Variants in NEXMIF observed in about 807,000 individuals in gnomAD.
NEXMIF encodes the protein neurite extension and migration factor.
Under a neutral mutation model 62.1 loss-of-function variants are expected in NEXMIF, and 8 were observed. The observed-to-expected ratio is 0.13, with a 90% CI of 0.08 to 0.23. The LOEUF is 0.23. Among genes scored for constraint, NEXMIF ranks in the 10% least tolerant of loss-of-function variants. NEXMIF has a pLI of 1.00. For missense variants in NEXMIF, 976 were observed against 1,113.3 expected (o/e 0.88, Z 1.75); for synonymous variants, 404 against 416.6 (o/e 0.97, Z 0.37).
rs773671901 is a variant in NEXMIF at position 74,842,813 on chromosome X, T to G, written c.-48+82070A>C. 8.0e-5 allele frequency among the ~76,000 whole-genome samples: 9 copies of G among 112,514 alleles called. No homozygotes were observed. In the East Asian group the frequency reaches 2.5e-3, roughly 31 times the overall value. On this transcript the variant is annotated intron_variant, in intron 1 of 3. Coordinates refer to ENST00000055682, the MANE Select transcript of NEXMIF (RefSeq NM_001008537.3). ...ATTTTCATAGTTTTTATTTCTATTT[T>G]TATTGTGCTGTGGTCCTGAGAGTGT...
chrX:74,874,476 G>A (rs1376950673), intron 1 of NEXMIF, among the ~76,000 whole-genome samples: 1 of 110,697 alleles, frequency 9.0e-6, no homozygotes, highest in African/African-American at 3.3e-5. Flanking sequence ...GGTGATGTGG[G>A]CTCTTTTTTG....
chrX:74,920,655 T>C (rs1003247577), intron 1 of NEXMIF, among the ~76,000 whole-genome samples: 2 of 111,901 alleles, frequency 1.8e-5, no homozygotes, highest in Admixed American at 1.9e-4. Flanking sequence ...TCAATTTTGT[T>C]TTTTGTTGCC....
chrX:74,736,517 C>T lies in NEXMIF; in HGVS notation c.*2888G>A, dbSNP rs2080085468. On this transcript the variant is annotated 3_prime_UTR_variant, in exon 4 of 4. Transcript: ENST00000055682. ...TTCAGACCAAGGATAATATATATTT[C>T]TGACTTGAGATACCAGTGATAGGGC... The T allele has an allele frequency of 1.8e-5, 2 of 111,249 alleles. No homozygotes were observed. The highest frequency in any genetic ancestry group is 1.9e-4 in the Admixed American group (2 of 10,355). The allele number at this position is 111,249 out of a possible 1,213,427, so 9.2% of individuals were successfully genotyped here.
intron 1 of NEXMIF, among the ~76,000 whole-genome samples, chrX:74,749,866 G>T (rs2080136769): frequency 8.9e-6 from 1 of 111,813 alleles, no homozygotes; most frequent in Non-Finnish European, 1.9e-5. Context: ...CTTATAACAT[G>T]GTATGTACTT....
chrX:74,833,401 C>A (rs988860810), intron 1 of NEXMIF, among the ~76,000 whole-genome samples: 6 of 111,643 alleles, frequency 5.4e-5, no homozygotes, highest in African/African-American at 2.0e-4. Context: ...GCTATTCCTG[C>A]TCCTTTTTTG....
intron 1 of NEXMIF, among the ~76,000 whole-genome samples, chrX:74,783,445 A>G (rs2080252133): frequency 9.0e-6 from 1 of 111,551 alleles, no homozygotes; most frequent in South Asian, 3.7e-4. Context: ...AATCTCTGTC[A>G]TTTTCTGCTA....
At chrX:74,907,264 G>A (rs761630392) in intron 1 of NEXMIF, among the ~76,000 whole-genome samples, 16 of 110,868 alleles carry the variant, frequency 1.4e-4, no homozygotes, top group African/African-American at 5.3e-4. Flanking sequence ...GTTTGGGAAG[G>A]TGGTCAGGTG....
chrX:74,784,334 G>T (rs748060137), intron 1 of NEXMIF, among the ~76,000 whole-genome samples: 52 of 111,437 alleles, frequency 4.7e-4, no homozygotes, highest in Middle Eastern at 4.6e-3. Flanking sequence ...AAAATCCCAA[G>T]AAATATATAG....
At chrX:74,860,468 G>A (rs187244695) in intron 1 of NEXMIF, among the ~76,000 whole-genome samples, 152 of 111,853 alleles carry the variant, frequency 1.4e-3, no homozygotes, top group Non-Finnish European at 1.8e-3. Flanking sequence ...CTTTTCTTCA[G>A]CACATGAATA....
intron 1 of NEXMIF, among the ~76,000 whole-genome samples, chrX:74,891,316 GTT>G (rs58531496): frequency 3.2e-4 from 31 of 96,293 alleles, no homozygotes; most frequent in East Asian, 6.7e-4. Flanking sequence ...ATTCAGGAGG[GTT>G]TTTTTTTTTT....
chrX:74,911,891 A>G (rs1399244122), intron 1 of NEXMIF, among the ~76,000 whole-genome samples: 2 of 112,196 alleles, frequency 1.8e-5, no homozygotes, highest in Non-Finnish European at 3.8e-5. Context: ...AATAGACACT[A>G]GGTATTCCTT....
At chrX:74,863,343 G>A (rs1375025400) in intron 1 of NEXMIF, among the ~76,000 whole-genome samples, 1 of 110,746 alleles carries the variant, frequency 9.0e-6, no homozygotes, top group Admixed American at 9.7e-5. Context: ...GAATCCAGAG[G>A]CTGGTTTCTT....
In NEXMIF at chrX:74,742,150, C is replaced by T. The variant is rs752216214; in HGVS notation, c.2407G>A (p.Val803Ile). The T allele has an allele frequency of 5.8e-6, 7 of 1,211,492 alleles. No individual in the cohort carries two copies. Among genetic ancestry groups the T allele is most frequent in the Non-Finnish European group, 7.8e-6 (7 of 895,271 alleles). ...GGGATAACAGGTATATTAGTGGTAA[C>T]ATTAGCAGATGATAAAGGCATTTCA... ...SSEMPLSSAN[V>I]TTNIPVIPGG... The change falls in exon 3 of 4, where the codon GTT becomes ATT. Residue 803 changes from valine to isoleucine, a missense_variant. Transcript: ENST00000055682.
chrX:74,862,995 A>T (rs903206112), intron 1 of NEXMIF, among the ~76,000 whole-genome samples: 78 of 110,041 alleles, frequency 7.1e-4, no homozygotes, highest in Non-Finnish European at 2.8e-4. Context: ...ACATGGTGAA[A>T]CTCGGTCCCT....
Position 74,752,064 on chromosome X carries a change from C to T in NEXMIF, c.-47-6367G>A, listed in dbSNP as rs756399793. 4.6e-3 allele frequency among the ~76,000 whole-genome samples: 511 copies of T among 111,353 alleles called. 4 individuals carry two copies. The highest frequency in any genetic ancestry group is 0.013 in the African/African-American group (399 of 30,625). ...TCAGGTGATCCGGCTGTCTCGGCCT[C>T]CCAAAGTGCTAGGATTACAGGCATG... On this transcript the variant is annotated intron_variant, in intron 1 of 3. Transcript: ENST00000055682.
chrX:74,819,272 G>C (rs1483165729), intron 1 of NEXMIF, among the ~76,000 whole-genome samples: 1 of 111,715 alleles, frequency 9.0e-6, no homozygotes, highest in Admixed American at 9.5e-5. Context: ...ACATAGGCAT[G>C]GGCAAGGACT....
intron 1 of NEXMIF, among the ~76,000 whole-genome samples, chrX:74,913,777 A>G (rs2080798332): frequency 8.9e-6 from 1 of 112,197 alleles, no homozygotes; most frequent in Admixed American, 9.5e-5. Flanking sequence ...GGAAACAACA[A>G]CAACCTGTCA....
chrX:74,862,017 G>T (rs1327292826), intron 1 of NEXMIF, among the ~76,000 whole-genome samples: 4 of 111,341 alleles, frequency 3.6e-5, no homozygotes, highest in Admixed American at 1.9e-4. Context: ...AATGTAAATG[G>T]ACTAATGCCC....
chrX:74,862,634 A>G (rs2080562096), intron 1 of NEXMIF, among the ~76,000 whole-genome samples: 1 of 111,894 alleles, frequency 8.9e-6, no homozygotes, highest in Non-Finnish European at 1.9e-5. Context: ...CATAACAAAC[A>G]GTCGCTCAGA....
Sources: allele counts gnomAD v4.1 joint callset (sites outside exome capture counted in the v4.1 genomes callset), GRCh38; gene constraint gnomAD v4.1.1; transcripts MANE v1.5; gene names NCBI Gene and HGNC (gene_info 2026-07-23, HGNC 2026-07-21).